The following GALNT13 variants were observed in gnomAD, a reference collection of about 807,000 sequenced individuals.
GALNT13 encodes the protein UDP-GalNAc:polypeptide N-acetylgalactosaminyltransferase 13.
Under a neutral mutation model 64.2 loss-of-function variants are expected in GALNT13, and 28 were observed. The ratio of observed to expected loss-of-function variants is 0.44; its 90% CI spans 0.32 to 0.60. The LOEUF (loss-of-function observed/expected upper bound fraction) is 0.60, where lower values mean the gene tolerates loss of function less well. Among genes scored for constraint, GALNT13 ranks in the 20% least tolerant of loss-of-function variants. The pLI is 0.05. For missense variants in GALNT13, 577 were observed against 669.8 expected, an observed-to-expected ratio of 0.86 and a Z score of 1.53; for synonymous variants, 214 against 224.6, an observed-to-expected ratio of 0.95 and a Z score of 0.42.
the GALNT13 span, among the ~76,000 whole-genome samples, chr2:153,729,041 C>G: frequency 3.5e-3 from 540 of 152,196 alleles, 2 homozygotes; most frequent in Non-Finnish European, 5.9e-3. Flanking sequence ...AGATTCATAG[C>G]TGAATTCTAT....
chr2:154,118,920 C>T (rs939127191), intron 3 of GALNT13, among the ~76,000 whole-genome samples: 19 of 151,954 alleles, frequency 1.3e-4, no homozygotes, highest in Admixed American at 4.6e-4. Context: ...AATTTATTTT[C>T]GCTATAGTTG....
At chr2:153,459,338 C>T in the GALNT13 span, among the ~76,000 whole-genome samples, 91 of 151,892 alleles carry the variant, frequency 6.0e-4, no homozygotes, top group Non-Finnish European at 1.2e-3. Flanking sequence ...AAGAATCTGC[C>T]AGGCACAGTA....
At chr2:154,038,344 CA>C (rs1698782392) in intron 3 of GALNT13, among the ~76,000 whole-genome samples, 1 of 152,094 alleles carries the variant, frequency 6.6e-6, no homozygotes, top group African/African-American at 2.4e-5. Context: ...TCAGAGATAT[CA>C]CATTACCTGA....
the GALNT13 span, among the ~76,000 whole-genome samples, chr2:153,319,021 G>T: frequency 6.6e-6 from 1 of 151,992 alleles, no homozygotes; most frequent in African/African-American, 2.4e-5. Flanking sequence ...GGGACCCAGG[G>T]TTCAGAGAAG....
At chr2:153,922,926 G>A (rs932514988) in intron 2 of GALNT13, among the ~76,000 whole-genome samples, 2 of 151,510 alleles carry the variant, frequency 1.3e-5, no homozygotes, top group Admixed American at 6.6e-5. Context: ...TTGAAACAGA[G>A]TCTCCCTCTG....
chr2:154,219,340 C>G (rs1234838973), intron 4 of GALNT13, among the ~76,000 whole-genome samples: 4 of 151,988 alleles, frequency 2.6e-5, no homozygotes, highest in African/African-American at 4.8e-5. Flanking sequence ...AGTCACTTTA[C>G]CAATCTTCTA....
the GALNT13 span, among the ~76,000 whole-genome samples, chr2:153,552,865 A>G: frequency 1.3e-5 from 2 of 152,044 alleles, no homozygotes; most frequent in Non-Finnish European, 2.9e-5. Context: ...TCCTTTGCAT[A>G]CACAGTTCAC....
chr2:154,126,868 A>G (rs781434379), intron 3 of GALNT13, among the ~76,000 whole-genome samples: 25 of 152,054 alleles, frequency 1.6e-4, no homozygotes, highest in Non-Finnish European at 3.2e-4. Flanking sequence ...GAAATACCAC[A>G]GTACATGGGA....
At chr2:153,579,620 C>T in the GALNT13 span, among the ~76,000 whole-genome samples, 1 of 152,130 alleles carries the variant, frequency 6.6e-6, no homozygotes, top group African/African-American at 2.4e-5. Context: ...TTATTCCTTA[C>T]AGCAGCGGTC....
chr2:153,183,265 C>T, the GALNT13 span, among the ~76,000 whole-genome samples: 247 of 152,282 alleles, frequency 1.6e-3, 3 homozygotes, highest in African/African-American at 5.4e-3. Context: ...TTGTTAACCA[C>T]GTGTACGTCT....
chr2:154,243,515 T>A (rs1028905833), intron 6 of GALNT13, among the ~76,000 whole-genome samples: 2 of 151,938 alleles, frequency 1.3e-5, no homozygotes, highest in African/African-American at 4.8e-5. Flanking sequence ...TATAAGAATA[T>A]GTTTAATTAT....
At chr2:153,162,233 G>C in the GALNT13 span, among the ~76,000 whole-genome samples, 1 of 152,090 alleles carries the variant, frequency 6.6e-6, no homozygotes, top group African/African-American at 2.4e-5. Flanking sequence ...TCTTGGTACA[G>C]GGTTATTTTT....
the GALNT13 span, among the ~76,000 whole-genome samples, chr2:153,296,626 A>G: frequency 1.3e-5 from 2 of 152,192 alleles, no homozygotes; most frequent in African/African-American, 4.8e-5. Context: ...TTCCTGACTG[A>G]CGCAGAATGA....
the GALNT13 span, among the ~76,000 whole-genome samples, chr2:153,277,908 C>CTTTTT: frequency 1.4e-5 from 1 of 69,586 alleles, no homozygotes; most frequent in Non-Finnish European, 3.3e-5. Context: ...TTTCTTTTTT[C>CTTTTT]TTTTGTTTTC....
chr2:153,334,861 A>T, the GALNT13 span, among the ~76,000 whole-genome samples: 11 of 152,292 alleles, frequency 7.2e-5, no homozygotes, highest in East Asian at 1.7e-3. Flanking sequence ...TGCTCTGAGC[A>T]TGACAAGTGA....
chr2:153,563,236 C>G, the GALNT13 span, among the ~76,000 whole-genome samples: 3 of 151,942 alleles, frequency 2.0e-5, no homozygotes, highest in Admixed American at 6.6e-5. Context: ...GTCCTTAGTT[C>G]TGAAAGTTCT....
At chr2:153,532,320 C>G in the GALNT13 span, among the ~76,000 whole-genome samples, 6 of 152,126 alleles carry the variant, frequency 3.9e-5, no homozygotes, top group Non-Finnish European at 5.9e-5. Flanking sequence ...TTTTACCTAG[C>G]CTTTTTGAGC....
chr2:154,005,706 T>A (rs1445008895), intron 3 of GALNT13, among the ~76,000 whole-genome samples: 2 of 150,336 alleles, frequency 1.3e-5, no homozygotes, highest in Admixed American at 1.3e-4. Context: ...ACTTAAATAC[T>A]TCGATTTATT....
the GALNT13 span, among the ~76,000 whole-genome samples, chr2:153,103,960 C>T: frequency 2.0e-5 from 3 of 152,252 alleles, no homozygotes; most frequent in Admixed American, 6.5e-5. Flanking sequence ...ACATTATATT[C>T]TTCTTATATT....
Sources: gnomAD v4.1 joint callset for allele counts (sites outside exome capture counted in the v4.1 genomes callset) on GRCh38, gnomAD v4.1.1 for gene constraint, MANE v1.5 for transcripts, NCBI Gene and HGNC (gene_info 2026-07-23, HGNC 2026-07-21) for gene names.